The following NAALADL2 variants were observed in gnomAD, a reference collection of about 807,000 sequenced individuals.
NAALADL2 encodes N-acetylated alpha-linked acidic dipeptidase like 2.
Under a neutral mutation model 87.2 loss-of-function variants are expected in NAALADL2, and 76 were observed. That is an observed-to-expected ratio of 0.87 (90% CI 0.72 to 1.05). NAALADL2 has a LOEUF of 1.05. Among genes scored for constraint, NAALADL2 ranks in the 50% least tolerant of loss-of-function variants. The pLI is 0.00. For missense variants in NAALADL2, 1,089 were observed against 945.8 expected (o/e 1.15, Z -1.99); for synonymous variants, 354 against 331.0 (o/e 1.07, Z -0.75).
chr3:174,944,241 C>T (rs764952658), intron 1 of NAALADL2, among the ~76,000 whole-genome samples: 2 of 152,052 alleles, frequency 1.3e-5, no homozygotes, highest in Admixed American at 6.6e-5. Flanking sequence ...GTAGAGACCC[C>T]GATTAGGAGG....
chr3:174,654,381 C>G (rs966288855), intron 2 of NAALADL2, among the ~76,000 whole-genome samples: 26 of 151,984 alleles, frequency 1.7e-4, no homozygotes, highest in Admixed American at 1.6e-3. Context: ...ATAATGAAAT[C>G]AATGATTCTT....
At chr3:175,402,677 A>G (rs1010182754) in intron 5 of NAALADL2, among the ~76,000 whole-genome samples, 4 of 151,978 alleles carry the variant, frequency 2.6e-5, no homozygotes, top group South Asian at 2.1e-4. Flanking sequence ...CATTCCCACT[A>G]TCTATGAAGT....
chr3:175,174,787 GTA>G (rs753534334), intron 2 of NAALADL2, among the ~76,000 whole-genome samples: 38,558 of 140,402 alleles, frequency 0.27, 5,645 homozygotes, highest in Non-Finnish European at 0.33. Context: ...GTGTGTGTGT[GTA>G]TATATATGTG....
intron 2 of NAALADL2, among the ~76,000 whole-genome samples, chr3:174,649,628 T>G (rs944339213): frequency 2.0e-5 from 3 of 152,138 alleles, no homozygotes; most frequent in African/African-American, 4.8e-5. Context: ...TACAATGAGT[T>G]AAAACAAGTT....
chr3:175,248,359 TA>T (rs555654888), intron 3 of NAALADL2, among the ~76,000 whole-genome samples: 83 of 152,344 alleles, frequency 5.4e-4, no homozygotes, highest in Non-Finnish European at 8.8e-4. Context: ...GCTGGGTATA[TA>T]GAATGTACTT....
At chr3:175,159,588 G>T (rs1019188424) in intron 2 of NAALADL2, among the ~76,000 whole-genome samples, 27 of 152,082 alleles carry the variant, frequency 1.8e-4, no homozygotes, top group Non-Finnish European at 1.2e-4. Flanking sequence ...GTGCATCTGG[G>T]ATAACACCAA....
At chr3:174,965,359 A>G (rs147627232) in intron 1 of NAALADL2, among the ~76,000 whole-genome samples, 5 of 151,474 alleles carry the variant, frequency 3.3e-5, no homozygotes, top group African/African-American at 9.8e-5. Flanking sequence ...CAGAAGTTAC[A>G]TACTGTCACT....
At chr3:174,897,369 A>C (rs991917281) in intron 1 of NAALADL2, among the ~76,000 whole-genome samples, 3 of 152,006 alleles carry the variant, frequency 2.0e-5, no homozygotes, top group Non-Finnish European at 4.4e-5. Context: ...ATTTGAAAAG[A>C]TATTTTTCAA....
intron 1 of NAALADL2, among the ~76,000 whole-genome samples, chr3:174,861,142 C>A (rs1726435268): frequency 6.6e-6 from 1 of 152,028 alleles, no homozygotes. Context: ...AATATTTATT[C>A]TCTTCTGATC....
chr3:175,319,000 T>G lies in NAALADL2; in HGVS notation c.940-5175T>G, dbSNP rs1759502890. ...TATATTTTTATATATTCTTCTATAG[T>G]AAGCAAACATTCAAAATCATTCAAT... On this transcript the variant is annotated intron_variant, in intron 4 of 13. Coordinates refer to ENST00000454872, the MANE Select transcript of NAALADL2 (RefSeq NM_207015.3). 1.3e-5 allele frequency among the ~76,000 whole-genome samples: 2 copies of G among 152,224 alleles called. 1 individual carries two copies. Among genetic ancestry groups the G allele is most frequent in the South Asian group, 4.1e-4 (2 of 4,832 alleles).
chr3:174,778,369 A>G (rs1438674066), intron 3 of NAALADL2, among the ~76,000 whole-genome samples: 1 of 152,132 alleles, frequency 6.6e-6, no homozygotes, highest in Non-Finnish European at 1.5e-5. Context: ...GAAGAGCCTC[A>G]TTTCAAGAAC....
At chr3:175,075,624 G>T (rs914053549) in intron 1 of NAALADL2, among the ~76,000 whole-genome samples, 1 of 152,112 alleles carries the variant, frequency 6.6e-6, no homozygotes, top group Non-Finnish European at 1.5e-5. Flanking sequence ...CTTACCAAAA[G>T]ATATCAATGG....
intron 9 of NAALADL2, among the ~76,000 whole-genome samples, chr3:175,502,825 A>G (rs768167463): frequency 9.2e-5 from 14 of 152,270 alleles, no homozygotes; most frequent in Non-Finnish European, 1.6e-4. Flanking sequence ...ATTTTGCCTC[A>G]TGAATTATAC....
intron 2 of NAALADL2, among the ~76,000 whole-genome samples, chr3:175,181,382 T>C (rs574226971): frequency 1.3e-5 from 2 of 151,928 alleles, no homozygotes; most frequent in Non-Finnish European, 2.9e-5. Flanking sequence ...TGAATCAAAC[T>C]AGTTAATATA....
At chr3:174,574,934 T>G (rs531183870) in intron 2 of NAALADL2, among the ~76,000 whole-genome samples, 32 of 152,232 alleles carry the variant, frequency 2.1e-4, no homozygotes, top group Admixed American at 2.6e-4. Flanking sequence ...ATATCTATAT[T>G]ATTTCCAGTT....
intron 1 of NAALADL2, among the ~76,000 whole-genome samples, chr3:174,907,254 A>G (rs2108283314): frequency 6.6e-6 from 1 of 152,186 alleles, no homozygotes; most frequent in East Asian, 1.9e-4. Flanking sequence ...ATGGATGAGT[A>G]ATCTTAGATC....
intron 2 of NAALADL2, among the ~76,000 whole-genome samples, chr3:174,709,887 G>T (rs1380465206): frequency 2.0e-5 from 3 of 152,162 alleles, no homozygotes; most frequent in African/African-American, 7.2e-5. Flanking sequence ...TTTTTGTAAT[G>T]AATCATTGTT....
intron 3 of NAALADL2, among the ~76,000 whole-genome samples, chr3:174,807,163 C>G (rs1236022591): frequency 1.3e-5 from 2 of 152,078 alleles, no homozygotes; most frequent in African/African-American, 4.8e-5. Context: ...TGATGTGCTA[C>G]TTTAATTGAA....
chr3:175,657,681 C>T (rs752889741), intron 11 of NAALADL2, among the ~76,000 whole-genome samples: 2 of 151,434 alleles, frequency 1.3e-5, no homozygotes, highest in Non-Finnish European at 2.9e-5. Context: ...CCCAGGTTCA[C>T]GCCGTTCTCC....
Sources: allele counts gnomAD v4.1 joint callset (sites outside exome capture counted in the v4.1 genomes callset), GRCh38; gene constraint gnomAD v4.1.1; transcripts MANE v1.5; gene names NCBI Gene and HGNC (gene_info 2026-07-23, HGNC 2026-07-21).